The following GNG2 variants were observed in gnomAD, a reference collection of about 807,000 sequenced individuals.
GNG2 encodes guanine nucleotide-binding protein G(I)/G(S)/G(O) subunit gamma-2.
GNG2 carries 5 observed loss-of-function variants against 5.5 expected under a neutral mutation model. That is an observed-to-expected ratio of 0.91 (90% confidence interval 0.48 to 1.92). GNG2 has a LOEUF of 1.92. GNG2 is among the 30% of genes most tolerant of loss of function. GNG2 has a pLI of 0.01. For synonymous variants in GNG2, 28 were observed against 32.0 expected, an observed-to-expected ratio of 0.88 and a Z score of 0.42; for missense variants, 55 against 88.4, an observed-to-expected ratio of 0.62 and a Z score of 1.52.
At chr14:51,837,340 G>A (rs919253834) in intron 2 of GNG2, among the ~76,000 whole-genome samples, 31 of 152,108 alleles carry the variant, frequency 2.0e-4, no homozygotes, top group South Asian at 8.3e-4. Context: ...ATTATTGCCA[G>A]ATACAAAATT....
chr14:51,955,558 T>C (rs1229213329), intron 3 of GNG2, among the ~76,000 whole-genome samples: 1 of 152,204 alleles, frequency 6.6e-6, no homozygotes, highest in Non-Finnish European at 1.5e-5. Context: ...CAGCTTTAAA[T>C]TTGTGTATTA....
At chr14:51,893,903 A>G (rs1358898957) in intron 2 of GNG2, among the ~76,000 whole-genome samples, 2 of 152,076 alleles carry the variant, frequency 1.3e-5, no homozygotes, top group African/African-American at 4.8e-5. Flanking sequence ...TACTTGGATC[A>G]ATTTGGATCA....
At chr14:51,917,290 G>A (rs773395819) in intron 2 of GNG2, 6 of 452,776 alleles carry the variant, frequency 1.3e-5, no homozygotes, top group Middle Eastern at 3.3e-4. Flanking sequence ...CCGCTGCCAC[G>A]AAGAGGGATA....
At chr14:51,877,897 G>T in intron 2 of GNG2, 1 of 282,536 alleles carries the variant, frequency 3.5e-6, no homozygotes, top group Non-Finnish European at 7.0e-6. Flanking sequence ...AACCTGAGTT[G>T]GAGAGCCTTT....
intron 2 of GNG2, among the ~76,000 whole-genome samples, chr14:51,910,089 C>A (rs145217417): frequency 6.6e-6 from 1 of 152,148 alleles, no homozygotes; most frequent in Non-Finnish European, 1.5e-5. Context: ...AAGACAGGCA[C>A]CAACATGGAG....
chr14:51,842,666 ATT>A (rs35183845), intron 2 of GNG2, among the ~76,000 whole-genome samples: 8 of 143,500 alleles, frequency 5.6e-5, no homozygotes, highest in East Asian at 2.0e-4. Context: ...ATTTGCCAGA[ATT>A]TTTTTTTTTT....
Position 51,890,724 on chromosome 14 carries a change from C to CT in GNG2, c.-30+13068dup, listed in dbSNP as rs912037608. 7.9e-5 allele frequency among the ~76,000 whole-genome samples: 12 copies of CT among 152,206 alleles called. No homozygotes were observed. In the South Asian group the frequency reaches 1.9e-3, roughly 24 times the overall value. The stretch of plus-strand genomic sequence containing the variant: ...TAAGAATCTACAACACAAAGTATAC[C>CT]TGGAAGATGGTTAAGTGGCTTCTTC... On this transcript the variant is annotated intron_variant, in intron 2 of 3. Transcript: ENST00000556766.
rs138908926 is a variant in GNG2 at position 51,826,548 on chromosome 14, C to T, written c.-77+318C>T. ...CCCACCTCGTGAGTATTGAGAACAACTGTATACATGCCATTAATCATGCTG... is the reference window on the plus strand; with the variant it reads ...CCCACCTCGTGAGTATTGAGAACAATTGTATACATGCCATTAATCATGCTG... On this transcript the variant is annotated intron_variant, in intron 1 of 3. Transcript: ENST00000553432. 1.4e-3 allele frequency among the ~76,000 whole-genome samples: 209 copies of T among 152,234 alleles called. 1 individual carries two copies. Among genetic ancestry groups the T allele is most frequent in the Admixed American group, 2.5e-3 (38 of 15,290 alleles).
intron 2 of GNG2, among the ~76,000 whole-genome samples, chr14:51,929,177 G>C (rs1887514618): frequency 6.6e-6 from 1 of 152,142 alleles, no homozygotes; most frequent in Non-Finnish European, 1.5e-5. Context: ...AGACTCATTT[G>C]CTTAATCAGG....
intron 2 of GNG2, among the ~76,000 whole-genome samples, chr14:51,830,973 C>T (rs9323223): frequency 3.9e-5 from 6 of 152,084 alleles, no homozygotes; most frequent in African/African-American, 1.5e-4. Flanking sequence ...CTCCAACCTT[C>T]TGTCCTGCCT....
intron 2 of GNG2, among the ~76,000 whole-genome samples, chr14:51,945,133 C>CAAAAA (rs138395214): frequency 0.29 from 43,466 of 149,760 alleles, 7,007 homozygotes; most frequent in Non-Finnish European, 0.36. Flanking sequence ...AACAAACAAA[C>CAAAAA]AAAAAAAACG....
intron 3 of GNG2, among the ~76,000 whole-genome samples, chr14:51,952,799 T>C (rs1253633): frequency 0.59 from 89,043 of 151,954 alleles, 26,434 homozygotes; most frequent in East Asian, 0.74. Context: ...TCCATCTCAA[T>C]ACATCTCCAT....
intron 1 of GNG2, among the ~76,000 whole-genome samples, chr14:51,871,227 A>G (rs1163021558): frequency 6.6e-6 from 1 of 151,960 alleles, no homozygotes. Context: ...AAGGCATTTC[A>G]TTGACATTTT....
At chr14:51,905,750 T>C (rs186721476) in intron 2 of GNG2, among the ~76,000 whole-genome samples, 163 of 152,322 alleles carry the variant, frequency 1.1e-3, no homozygotes, top group African/African-American at 3.3e-3. Flanking sequence ...GTGGAAATAA[T>C]TGAATCATCG....
At chr14:51,965,671 A>G (rs1191354028) in intron 3 of GNG2, among the ~76,000 whole-genome samples, 1 of 152,226 alleles carries the variant, frequency 6.6e-6, no homozygotes. Context: ...TATGTTCTAT[A>G]TAGTGTGTGT....
rs748445353 is a variant in GNG2, at chr14:51,968,750, T to C, written c.*2063T>C. ...GTTTTTACATGGGCCAAAACATGAA[T>C]TGAGTATGTGGTCACATGAAAACAC... On this transcript the variant is annotated 3_prime_UTR_variant, in exon 4 of 4. Coordinates refer to ENST00000556766, the MANE Select transcript of GNG2 (RefSeq NM_053064.5). 1.5e-4 allele frequency: 23 copies of C among 152,202 alleles called. No homozygotes were observed. The highest frequency in any genetic ancestry group is 2.8e-4 in the Non-Finnish European group (19 of 68,028). The allele number at this position is 152,202 out of a possible 1,614,324, so 9.4% of individuals were successfully genotyped here.
chr14:51,890,328 C>T (rs1884767598), intron 2 of GNG2, among the ~76,000 whole-genome samples: 1 of 152,188 alleles, frequency 6.6e-6, no homozygotes, highest in East Asian at 1.9e-4. Flanking sequence ...TGAGAAAAGG[C>T]ATTTTTTTCC....
At chr14:51,863,559 ATTTTT>A in intron 1 of GNG2, among the ~76,000 whole-genome samples, 1 of 152,220 alleles carries the variant, frequency 6.6e-6, no homozygotes, top group Non-Finnish European at 1.5e-5. Context: ...CATTTTAACT[ATTTTT>A]TTAAGTATGC....
chr14:51,941,873 T>G (rs142724654), intron 2 of GNG2, among the ~76,000 whole-genome samples: 2 of 152,346 alleles, frequency 1.3e-5, no homozygotes, highest in Admixed American at 1.3e-4. Flanking sequence ...CTCTCATCAG[T>G]TGAAAAGAAT....
Sources: gnomAD v4.1 joint callset for allele counts (sites outside exome capture counted in the v4.1 genomes callset) on GRCh38, gnomAD v4.1.1 for gene constraint, MANE v1.5 for transcripts, NCBI Gene and HGNC (gene_info 2026-07-23, HGNC 2026-07-21) for gene names.